NSUN2: variants seen among roughly 807,000 people sequenced by gnomAD.
NSUN2 encodes NOP2/Sun RNA methyltransferase 2.
A neutral mutation model predicts 92.7 loss-of-function variants in NSUN2; 63 were observed. That is an observed-to-expected ratio of 0.68 (90% CI 0.56 to 0.84). The LOEUF (loss-of-function observed/expected upper bound fraction) is 0.84. Ranked by LOEUF, NSUN2 falls within the 40% of genes least tolerant of loss-of-function variation. The pLI is 0.00. For synonymous variants in NSUN2, 356 were observed against 348.3 expected, an observed-to-expected ratio of 1.02 and a Z score of -0.25; for missense variants, 989 against 964.9, an observed-to-expected ratio of 1.02 and a Z score of -0.33.
In NSUN2 at chr5:6,605,419, C is replaced by A. The variant is rs2303707; in HGVS notation, c.1602-11G>T. On this transcript the variant is annotated splice_polypyrimidine_tract_variant and intron_variant, in intron 14 of 18. Coordinates refer to ENST00000264670, the MANE Select transcript of NSUN2 (RefSeq NM_017755.6). ...AAAGCATAAAATTTCCTGTACATAA[C>A]AACATTGTTGTTTATCCACAATGAG... 1,094,170 of 1,611,912 alleles carry A rather than the reference C, an allele frequency of 0.68. 373,320 individuals are homozygous for A. The highest frequency in any genetic ancestry group is 0.74 in the African/African-American group (55,467 of 74,892).
chr5:6,611,126 C>A (rs1451669650), intron 10 of NSUN2, 41 bp from the exon 11 acceptor site: 2 of 1,607,378 alleles, frequency 1.2e-6, no homozygotes, highest in South Asian at 1.1e-5. Flanking sequence ...CTAGCACTAT[C>A]CAATACCAAC....
intron 9 of NSUN2, among the ~76,000 whole-genome samples, chr5:6,612,237 T>A (rs1201087062): frequency 1.3e-5 from 2 of 152,200 alleles, no homozygotes; most frequent in Non-Finnish European, 2.9e-5. Flanking sequence ...ACCAGAAGGC[T>A]GGGCTGCAGG....
Position 6,622,001 on chromosome 5 carries a change from A to C in NSUN2, c.622+15T>G. On this transcript the variant is annotated intron_variant, in intron 6 of 18. Transcript: ENST00000264670. The stretch of plus-strand genomic sequence containing the variant: ...GTGGCATTCCTACCATTTTGAACAC[A>C]AGTCCAATGCATACCTGGAAAGGGG... The C allele has an allele frequency of 6.2e-7, 1 of 1,605,714 alleles. No homozygotes were observed. Among genetic ancestry groups the C allele is most frequent in the East Asian group, 2.2e-5 (1 of 44,848 alleles).
chr5:6,631,866 T>A lies in NSUN2; in HGVS notation c.359+7A>T. On this transcript the variant is annotated splice_region_variant and intron_variant, in intron 3 of 18. Transcript: ENST00000264670. Reference sequence around the variant, plus strand: ...AAATATTCGGCATGAAGCACTGTGGTACCTACCAACTCAGTGGCTGTGGAA... The same window carrying A: ...AAATATTCGGCATGAAGCACTGTGGAACCTACCAACTCAGTGGCTGTGGAA... 6.3e-7 allele frequency: 1 copy of A among 1,584,620 alleles called. No homozygotes were observed. The highest frequency in any genetic ancestry group is 8.7e-7 in the Non-Finnish European group (1 of 1,153,848).
intron 5 of NSUN2, among the ~76,000 whole-genome samples, chr5:6,622,795 C>A (rs1205508450): frequency 9.8e-5 from 14 of 143,244 alleles, no homozygotes; most frequent in African/African-American, 3.4e-4. Context: ...TGCAGTGAGC[C>A]AAGATCGCGC....
chr5:6,626,811 C>G (rs898692469), intron 3 of NSUN2, among the ~76,000 whole-genome samples: 1 of 152,210 alleles, frequency 6.6e-6, no homozygotes, highest in African/African-American at 2.4e-5. Context: ...CTCACTAAAC[C>G]TGAGATGCAG....
rs1172615528 is a variant in NSUN2 at position 6,599,870 on chromosome 5, CAGA to C, written c.*53_*55del. On this transcript the variant is annotated 3_prime_UTR_variant, in exon 19 of 19. Transcript: ENST00000264670. ...GGATTTGGTTTCAGACACCAGTGAC[CAGA>C]AGAAGCCAGTTTTGCGTGTGAGGGG... The C allele has an allele frequency of 2.1e-5, 32 of 1,526,214 alleles. No individual in the cohort carries two copies. Among genetic ancestry groups the C allele is most frequent in the Non-Finnish European group, 2.9e-5 (32 of 1,117,816 alleles). 94.5% of individuals were successfully genotyped at this position (1,526,214 alleles called of 1,614,324 possible). A position where few individuals can be genotyped will look rare whatever the true frequency, so the allele number is the denominator to read the frequency against.
chr5:6,605,135 G>C, intron 15 of NSUN2, 138 bp downstream of exon 15: 4 of 1,125,822 alleles, frequency 3.6e-6, no homozygotes, highest in South Asian at 3.0e-5. Flanking sequence ...AAATCAAAGG[G>C]CAGGCTCAGG....
chr5:6,610,931 C>T (rs1475895710), intron 11 of NSUN2, 24 bp downstream of exon 11: 15 of 1,613,468 alleles, frequency 9.3e-6, no homozygotes, highest in Non-Finnish European at 1.1e-5. Context: ...CCCCTCCCCA[C>T]ACCTGGAGGC....
chr5:6,602,980 C>A (rs1736615841), intron 17 of NSUN2, among the ~76,000 whole-genome samples: 1 of 152,198 alleles, frequency 6.6e-6, no homozygotes, highest in Non-Finnish European at 1.5e-5. Context: ...GTGGTTCTTG[C>A]CTGGAGACGG....
chr5:6,600,232 C>A lies in NSUN2; in HGVS notation c.1998G>T (p.Ala666=). The change falls in exon 19 of 19, where the codon GCG becomes GCT. Residue 666 remains alanine, a splice_region_variant and synonymous_variant. Coordinates refer to ENST00000264670, the MANE Select transcript of NSUN2 (RefSeq NM_017755.6). ...SIVLKYEPDS[A]NPDALQCPIV... The stretch of plus-strand genomic sequence containing the variant: ...TGGGACACTGCAGAGCGTCTGGATT[C>A]CTACAAGTGAAAGTGGCTTCATGTA... 1 of 1,610,464 alleles carries A rather than the reference C, an allele frequency of 6.2e-7. No homozygotes were observed. The highest frequency in any genetic ancestry group is 8.5e-7 in the Non-Finnish European group (1 of 1,177,352).
intron 8 of NSUN2, 47 bp downstream of exon 8, chr5:6,617,903 C>A: frequency 7.1e-7 from 1 of 1,413,018 alleles, no homozygotes; most frequent in Non-Finnish European, 9.9e-7. Context: ...TAAATCTCTG[C>A]TGATCTACTT....
intron 6 of NSUN2, 170 bp downstream of exon 6, chr5:6,621,846 C>T (rs1036448975): frequency 1.0e-5 from 6 of 595,674 alleles, no homozygotes; most frequent in Non-Finnish European, 1.5e-5. Context: ...TTGAGTACTA[C>T]TGACGGTGGT....
chr5:6,611,986 CA>C (rs1737012417), intron 9 of NSUN2, among the ~76,000 whole-genome samples, 188 bp from the exon 10 acceptor site: 1 of 152,142 alleles, frequency 6.6e-6, no homozygotes, highest in Non-Finnish European at 1.5e-5. Context: ...CGATGGGGCT[CA>C]GCTGGAATGG....
In NSUN2 at chr5:6,602,555, G is replaced by C. The variant is rs2303710; in HGVS notation, c.1958-55C>G. On this transcript the variant is annotated intron_variant, in intron 17 of 18. Coordinates refer to ENST00000264670, the MANE Select transcript of NSUN2 (RefSeq NM_017755.6). ...GGTTTTCCAGGTAGTGGATGCATGC[G>C]CTGAGCACATTTCTGCACCTAGTGA... The C allele has an allele frequency of 0.39, 582,179 of 1,491,452 alleles. 116,543 individuals are homozygous for C. Among genetic ancestry groups the C allele is most frequent in the African/African-American group, 0.53 (38,744 of 72,548 alleles). The allele number at this position is 1,491,452 out of a possible 1,614,324, so 92.4% of individuals were successfully genotyped here.
intron 3 of NSUN2, among the ~76,000 whole-genome samples, chr5:6,631,585 C>A (rs572262756): frequency 1.3e-5 from 2 of 152,308 alleles, no homozygotes; most frequent in African/African-American, 4.8e-5. Flanking sequence ...TGTGAGAAAA[C>A]AAGGGCTGTA....
chr5:6,617,626 G>C (rs1178836844), intron 8 of NSUN2, among the ~76,000 whole-genome samples: 1 of 152,088 alleles, frequency 6.6e-6, no homozygotes, highest in East Asian at 1.9e-4. Flanking sequence ...TGATACAAAA[G>C]AACAAAAACA....
At chr5:6,622,281 T>C (rs1322440605) in intron 5 of NSUN2, among the ~76,000 whole-genome samples, 181 bp from the exon 6 acceptor site, 1 of 152,204 alleles carries the variant, frequency 6.6e-6, no homozygotes, top group Non-Finnish European at 1.5e-5. Flanking sequence ...CACAGAATGA[T>C]ATAGGTACAG....
At chr5:6,604,399 C>T in intron 16 of NSUN2, 123 bp from the exon 17 acceptor site, 1 of 1,013,924 alleles carries the variant, frequency 9.9e-7, no homozygotes. Context: ...TGGCCCCTCC[C>T]CTTGGACAGG....
Sources: allele counts gnomAD v4.1 joint callset (sites outside exome capture counted in the v4.1 genomes callset), GRCh38; gene constraint gnomAD v4.1.1; transcripts MANE v1.5; gene names NCBI Gene and HGNC (gene_info 2026-07-23, HGNC 2026-07-21).